The following PTPRZ1 variants were observed in gnomAD, a reference collection of about 807,000 sequenced individuals.
The protein encoded by PTPRZ1 is protein tyrosine phosphatase receptor type Z1.
Under a neutral mutation model 214.1 loss-of-function variants are expected in PTPRZ1, and 82 were observed. The ratio of observed to expected loss-of-function variants is 0.38; its 90% CI spans 0.32 to 0.46. The LOEUF (loss-of-function observed/expected upper bound fraction) is 0.46. Among genes scored for constraint, PTPRZ1 ranks in the 20% least tolerant of loss-of-function variants. The pLI, the probability that PTPRZ1 is intolerant of heterozygous loss-of-function variation, is 1.00. For missense variants in PTPRZ1, 2,603 were observed against 2,748.7 expected (o/e 0.95, Z 1.19); for synonymous variants, 945 against 987.9 (o/e 0.96, Z 0.81).
intron 1 of PTPRZ1, among the ~76,000 whole-genome samples, chr7:121,897,165 A>G (rs1019608621): frequency 2.0e-5 from 3 of 152,088 alleles, no homozygotes; most frequent in African/African-American, 7.2e-5. Flanking sequence ...TTTTCTTGTT[A>G]TTATTGGTCT....
chr7:121,942,292 A>G (rs1323252004), intron 2 of PTPRZ1, among the ~76,000 whole-genome samples: 1 of 152,066 alleles, frequency 6.6e-6, no homozygotes, highest in African/African-American at 2.4e-5. Flanking sequence ...TCAATTCACC[A>G]TTTTCTAAGT....
At chr7:122,023,551 A>T (rs1032813855) in intron 13 of PTPRZ1, among the ~76,000 whole-genome samples, 4 of 133,992 alleles carry the variant, frequency 3.0e-5, no homozygotes, top group Non-Finnish European at 6.2e-5. Context: ...ATATATAATT[A>T]TATATATTAT....
rs35113798 is a variant in PTPRZ1 at position 121,873,328 on chromosome 7, T to TCACACACA, written c.-157_-150dup. On this transcript the variant is annotated 5_prime_UTR_variant, in exon 1 of 30. Coordinates refer to ENST00000393386, the MANE Select transcript of PTPRZ1 (RefSeq NM_002851.3). The stretch of plus-strand genomic sequence containing the variant: ...GTCTCTGTCTCTGTCTCTCTCTCTC[T>TCACACACA]CACACACACACACACACACACAAAC... 5 of 533,102 alleles carry TCACACACA rather than the reference T, an allele frequency of 9.4e-6. No homozygotes were observed. Among genetic ancestry groups the TCACACACA allele is most frequent in the Non-Finnish European group, 1.3e-5 (4 of 296,940 alleles). The allele number at this position is 533,102 out of a possible 1,614,324, so 33.0% of individuals were successfully genotyped here.
rs138583096 is a variant in PTPRZ1, at chr7:121,984,946, C to A, written c.928+829C>A. On this transcript the variant is annotated intron_variant, in intron 8 of 29. Transcript: ENST00000393386. ...CTTTGCACTGGAAAGGACTTCTAAC[C>A]TTTCCAAGTAGATGGACCTCTTTGA... 3.4e-3 allele frequency among the ~76,000 whole-genome samples: 515 copies of A among 152,194 alleles called. 3 individuals are homozygous for A. Among genetic ancestry groups the A allele is most frequent in the African/African-American group, 0.011 (469 of 41,524 alleles).
intron 2 of PTPRZ1, among the ~76,000 whole-genome samples, chr7:121,935,627 C>A (rs554268102): frequency 6.6e-6 from 1 of 152,126 alleles, no homozygotes; most frequent in Non-Finnish European, 1.5e-5. Flanking sequence ...TGCAGTGGCG[C>A]AATCTCGGCT....
At chr7:122,056,025 T>A (rs1475103555) in intron 27 of PTPRZ1, among the ~76,000 whole-genome samples, 1 of 151,874 alleles carries the variant, frequency 6.6e-6, no homozygotes, top group Non-Finnish European at 1.5e-5. Context: ...CTTAGGTCTT[T>A]ATTTGTAAAA....
At chr7:122,043,966 G>A (rs1044005933) in intron 22 of PTPRZ1, among the ~76,000 whole-genome samples, 2 of 152,142 alleles carry the variant, frequency 1.3e-5, no homozygotes, top group African/African-American at 2.4e-5. Flanking sequence ...AAAGAGTCCC[G>A]TATGTGAAAT....
chr7:122,039,995 GA>G lies in PTPRZ1; in HGVS notation c.5637+418del, dbSNP rs926706362. ...AGACTCTGTCAAAAAAAAAAGAAAA[GA>G]AAAAAAAAAAGAATTCTTATCACAG... On this transcript the variant is annotated intron_variant, in intron 20 of 29. Coordinates refer to ENST00000393386, the MANE Select transcript of PTPRZ1 (RefSeq NM_002851.3). Among the ~76,000 whole-genome samples, 1,410 of 142,640 alleles carry G rather than the reference GA, an allele frequency of 9.9e-3. 21 individuals carry two copies. The highest frequency in any genetic ancestry group is 0.033 in the African/African-American group (1,291 of 39,152). 93.6% of individuals were successfully genotyped at this position (142,640 alleles called of 152,430 possible).
rs774944306 is a variant in PTPRZ1 at position 122,010,419 on chromosome 7, A to T, written c.1373A>T (p.Glu458Val). 3 of 1,613,924 alleles carry T rather than the reference A, an allele frequency of 1.9e-6. No individual in the cohort carries two copies. The East Asian group carries it at 6.7e-5, about 36-fold the overall frequency. The stretch of plus-strand genomic sequence containing the variant: ...GCTACAAACCAAATCAGGAAAAAGG[A>T]ACCCCAGATTTCTACCACAACACAC... ...DSATNQIRKK[E>V]PQISTTTHYN... The change falls in exon 12 of 30, where the codon GAA (glutamate) becomes GTA (valine). Residue 458 changes from glutamate (E) to valine (V), a missense_variant. By Grantham distance (121) the Glu-to-Val change is moderately radical (BLOSUM62 -2). Around this residue, in one of 6 missense-constraint regions of PTPRZ1, gnomAD observed 1,913 missense variants for 1,914.3 expected, o/e 1.00. Coordinates refer to ENST00000393386, the MANE Select transcript of PTPRZ1 (RefSeq NM_002851.3).
chr7:121,939,086 C>G (rs183830414), intron 2 of PTPRZ1, among the ~76,000 whole-genome samples: 149 of 152,274 alleles, frequency 9.8e-4, no homozygotes, highest in African/African-American at 3.4e-3. Flanking sequence ...TATTTCCAGT[C>G]TCATGGGGAA....
intron 23 of PTPRZ1, among the ~76,000 whole-genome samples, 167 bp from the exon 24 acceptor site, chr7:122,051,261 A>G (rs1425255533): frequency 6.6e-6 from 1 of 152,202 alleles, no homozygotes; most frequent in Non-Finnish European, 1.5e-5. Context: ...GAAGTTCACT[A>G]AAACAAGGTT....
At chr7:122,048,026 A>G (rs1206355) in intron 23 of PTPRZ1, among the ~76,000 whole-genome samples, 69,576 of 151,888 alleles carry the variant, frequency 0.46, 16,185 homozygotes, top group South Asian at 0.54. Flanking sequence ...TAAGGAATCT[A>G]TATCATATCA....
chr7:122,019,713 A>C (rs1423826466), intron 13 of PTPRZ1, among the ~76,000 whole-genome samples: 1 of 152,198 alleles, frequency 6.6e-6, no homozygotes, highest in Non-Finnish European at 1.5e-5. Flanking sequence ...CTGTGCATAA[A>C]AGTAAAATCA....
At chr7:121,999,826 T>C (rs1197877283) in intron 10 of PTPRZ1, among the ~76,000 whole-genome samples, 2 of 152,156 alleles carry the variant, frequency 1.3e-5, no homozygotes, top group Non-Finnish European at 2.9e-5. Context: ...TGACTCTATA[T>C]TGGCACAAAG....
At chr7:122,036,804 A>G in intron 18 of PTPRZ1, 122 bp downstream of exon 18, 1 of 647,172 alleles carries the variant, frequency 1.5e-6, no homozygotes, top group Non-Finnish European at 2.5e-6. Context: ...GAGAATAAAA[A>G]TGGTAAAGTA....
In PTPRZ1 at chr7:121,973,940, G is replaced by GAAAAAAAAAAAAAAAAAAAAAAAAA. The variant is rs371692415; in HGVS notation, c.456+1271_456+1272insAAAAAAAAAAAAAAAAAAAAAAAAA. Among the ~76,000 whole-genome samples, 2 of 86,224 alleles carry GAAAAAAAAAAAAAAAAAAAAAAAAA rather than the reference G, an allele frequency of 2.3e-5. 1 individual carries two copies. Among genetic ancestry groups the GAAAAAAAAAAAAAAAAAAAAAAAAA allele is most frequent in the African/African-American group, 8.6e-5 (2 of 23,262 alleles). 56.6% of individuals were successfully genotyped at this position (86,224 alleles called of 152,430 possible). On this transcript the variant is annotated intron_variant, in intron 4 of 29. Transcript: ENST00000393386. The stretch of plus-strand genomic sequence containing the variant: ...TGGAGTGAGACGCTGTCTCAAAAAA[G>GAAAAAAAAAAAAAAAAAAAAAAAAA]AAAAAAAAAAAAAAAAAAAAAAAGC...
At chr7:121,929,827 A>AAAAT (rs3069080) in intron 2 of PTPRZ1, among the ~76,000 whole-genome samples, 239 of 145,412 alleles carry the variant, frequency 1.6e-3, no homozygotes, top group Non-Finnish European at 2.5e-3. Flanking sequence ...ATAAAAATAA[A>AAAAT]AAATAAATAA....
rs368771407 is a variant in PTPRZ1, at chr7:122,010,885, C to T, written c.1839C>T (p.Asn613=). 21 of 1,613,892 alleles carry T rather than the reference C, an allele frequency of 1.3e-5. No individual in the cohort carries two copies. Among genetic ancestry groups the T allele is most frequent in the African/African-American group, 8.0e-5 (6 of 74,894 alleles). The change falls in exon 12 of 30, where the codon AAC becomes AAT. Residue 613 remains asparagine, a synonymous_variant. Coordinates refer to ENST00000393386, the MANE Select transcript of PTPRZ1 (RefSeq NM_002851.3). ...ISQGYIFSSE[N]PETITYDVLI... ...AAGGGTATATATTTTCCTCCGAAAA[C>T]CCAGAGACAATAACATATGATGTCC...
At chr7:122,052,410 C>A (rs1490841926) in intron 25 of PTPRZ1, among the ~76,000 whole-genome samples, 1 of 152,138 alleles carries the variant, frequency 6.6e-6, no homozygotes, top group African/African-American at 2.4e-5. Flanking sequence ...GCATTTACAT[C>A]TTTTGTGTGA....
Sources: gnomAD v4.1 joint callset for allele counts (sites outside exome capture counted in the v4.1 genomes callset) on GRCh38, gnomAD v4.1.1 for gene constraint, gnomAD v4.1.1 regional missense constraint, MANE v1.5 for transcripts, NCBI Gene and HGNC (gene_info 2026-07-23, HGNC 2026-07-21) for gene names.